Variants in FAT2 observed in about 807,000 individuals in gnomAD.
FAT2 encodes the protein FAT atypical cadherin 2.
A neutral mutation model predicts 295.3 loss-of-function variants in FAT2; 150 were observed. That is an observed-to-expected ratio of 0.51 (90% CI 0.44 to 0.58). The LOEUF (loss-of-function observed/expected upper bound fraction) is 0.58, where lower values mean the gene tolerates loss of function less well. FAT2 is among the 20% of genes least tolerant of loss of function. The pLI, the probability that FAT2 is intolerant of heterozygous loss-of-function variation, is 0.00. For missense variants in FAT2, 4,868 were observed against 5,442.7 expected (o/e 0.89, Z 3.32); for synonymous variants, 2,026 against 2,150.3 (o/e 0.94, Z 1.60).
At chr5:151,564,843 C>T (rs996612720) in intron 2 of FAT2, among the ~76,000 whole-genome samples, 7 of 151,936 alleles carry the variant, frequency 4.6e-5, no homozygotes, top group South Asian at 2.1e-4. Flanking sequence ...GAGGCCAAGA[C>T]GGGTGGATCA....
chr5:151,529,463 GC>G, intron 14 of FAT2, 71 bp from the exon 15 acceptor site: 1 of 1,366,150 alleles, frequency 7.3e-7, no homozygotes, highest in Non-Finnish European at 1.0e-6. Context: ...GAGGGTCTGA[GC>G]CCAGCCCTAG....
rs961981175 is a variant in FAT2, at chr5:151,544,143, T to C, written c.6984A>G (p.Thr2328=). ...GTTCTTGAACTGTGGACATCTCCCC[T>C]GTGCTCCCATTGATCTGGAAGAACT... ...VSKFFQINGS[T]GEMSTVQELD... is the part of the protein sequence containing the mutation. The change falls in exon 10 of 24, where the codon ACA becomes ACG. Residue 2328 remains threonine (T), a synonymous_variant. Coordinates refer to ENST00000261800, the MANE Select transcript of FAT2 (RefSeq NM_001447.3). 6.2e-7 allele frequency: 1 copy of C among 1,614,238 alleles called. No homozygotes were observed. Among genetic ancestry groups the C allele is most frequent in the Non-Finnish European group, 8.5e-7 (1 of 1,180,038 alleles).
intron 22 of FAT2, among the ~76,000 whole-genome samples, chr5:151,507,859 C>G (rs961664488): frequency 6.6e-5 from 10 of 152,166 alleles, no homozygotes; most frequent in African/African-American, 2.4e-4. Context: ...ATTTTTCCAG[C>G]AATGAGATCT....
At chr5:151,564,939 G>A (rs938924198) in intron 2 of FAT2, among the ~76,000 whole-genome samples, 12 of 152,128 alleles carry the variant, frequency 7.9e-5, no homozygotes, top group African/African-American at 2.7e-4. Context: ...CGGGCATGGT[G>A]GTGGGTGCCT....
chr5:151,587,432 T>C (rs1246358708), intron 1 of FAT2, among the ~76,000 whole-genome samples: 5 of 152,202 alleles, frequency 3.3e-5, no homozygotes, highest in Admixed American at 2.6e-4. Flanking sequence ...CCTGCACGCA[T>C]CTGCTGTTTT....
rs755722289 is a variant in FAT2 at position 151,565,813 on chromosome 5, T to C, written c.3119A>G (p.Gln1040Arg). The change falls in exon 2 of 24, where the codon CAG (glutamine) becomes CGG (arginine). Residue 1040 changes from glutamine to arginine, a missense_variant. By Grantham distance (43) the Gln-to-Arg change is conservative. Transcript: ENST00000261800. ...TCCCGAGGGGCTGTTCTCCTGCACC[T>C]GGCCCTGGTGCACGAAGGAGGCAAA... Reference protein sequence around the residue: ...PHFASFVHQGQVQENSPSGTQ... With the variant: ...PHFASFVHQGRVQENSPSGTQ... The C allele has an allele frequency of 3.7e-6, 6 of 1,614,070 alleles. No homozygotes were observed. In the Admixed American group the frequency reaches 5.0e-5, roughly 13 times the overall value.
chr5:151,541,796 C>T (rs75373294), intron 10 of FAT2, among the ~76,000 whole-genome samples: 2,226 of 152,308 alleles, frequency 0.015, 24 homozygotes, highest in African/African-American at 0.034. Flanking sequence ...TTTCCACATA[C>T]GTGAAATGAA....
Position 151,527,255 on chromosome 5 carries a change from G to T in FAT2, c.10287C>A (p.Leu3429=). 6.2e-7 allele frequency: 1 copy of T among 1,612,000 alleles called. No homozygotes were observed. Among genetic ancestry groups the T allele is most frequent in the African/African-American group, 1.3e-5 (1 of 74,942 alleles). ...TTACCTGGACAGTGGTGCTGTAGTT[G>T]AGCTGGAAGAATCTCGGTGGGTTAT... ...VNDNPPRFFQ[L]NYSTTVQENS... is the part of the protein sequence containing the mutation. Residue 3429 remains leucine, a synonymous_variant, in exon 17 of 24, where the codon CTC becomes CTA. Transcript: ENST00000261800.
rs2127644306 is a variant in FAT2, at chr5:151,565,667, C to CCAA, written c.3259+5_3259+6insTTG. On this transcript the variant is annotated splice_donor_region_variant and intron_variant, in intron 2 of 23. Transcript: ENST00000261800. The stretch of plus-strand genomic sequence containing the variant: ...CTGGCACCCCACCCTACCCCACCCC[C>CCAA]AGTACCTGTATCTTGGTTGATGCTG... 6.4e-7 allele frequency: 1 copy of CCAA among 1,570,484 alleles called. No homozygotes were observed. Among genetic ancestry groups the CCAA allele is most frequent in the African/African-American group, 1.3e-5 (1 of 74,234 alleles).
Position 151,549,431 on chromosome 5 carries a change from G to T in FAT2, c.4653C>A (p.His1551Gln). ...AATGGAGCTGAGTGAAGCGGGGTGG[G>T]TGGAGGTTTCCATCCTCCACATGAA... Reference protein sequence around the residue: ...VTIHVEDGNLHPPRFTQLHYE... With the variant: ...VTIHVEDGNLQPPRFTQLHYE... Residue 1551 changes from histidine (H) to glutamine (Q), a missense_variant, in exon 9 of 24, where the codon CAC becomes CAA. His to Gln is a conservative substitution (Grantham distance 24). Coordinates refer to ENST00000261800, the MANE Select transcript of FAT2 (RefSeq NM_001447.3). 1 of 1,614,170 alleles carries T rather than the reference G, an allele frequency of 6.2e-7. No individual in the cohort carries two copies. Among genetic ancestry groups the T allele is most frequent in the Non-Finnish European group, 8.5e-7 (1 of 1,180,026 alleles).
intron 10 of FAT2, 49 bp from the exon 11 acceptor site, chr5:151,540,812 T>C (rs1194085651): frequency 2.6e-6 from 4 of 1,532,280 alleles, no homozygotes; most frequent in Non-Finnish European, 2.7e-6. Context: ...AGGAATGAAC[T>C]AGGCTTTGTG....
intron 9 of FAT2, among the ~76,000 whole-genome samples, chr5:151,548,559 C>T (rs1043788848): frequency 1.3e-5 from 2 of 152,134 alleles, no homozygotes; most frequent in African/African-American, 4.8e-5. Flanking sequence ...CAGCTCACTG[C>T]AACCTCTGCC....
chr5:151,589,629 C>T (rs1297283818), intron 1 of FAT2, among the ~76,000 whole-genome samples: 1 of 152,090 alleles, frequency 6.6e-6, no homozygotes, highest in Non-Finnish European at 1.5e-5. Flanking sequence ...GGTGTGGTGG[C>T]TCATGCCTGT....
intron 18 of FAT2, among the ~76,000 whole-genome samples, chr5:151,524,332 T>G (rs1753780654): frequency 6.6e-6 from 1 of 152,224 alleles, no homozygotes; most frequent in Non-Finnish European, 1.5e-5. Context: ...TTGGACTCTA[T>G]GTTTGTGTCC....
Position 151,543,912 on chromosome 5 carries a change from G to T in FAT2, c.7215C>A (p.Asp2405Glu). Residue 2405 changes from aspartate to glutamate, a missense_variant, in exon 10 of 24, where the codon GAC (aspartate) becomes GAA (glutamate). This residue lies in a region of FAT2 where 3,297 missense variants were observed against 3,669.4 expected (regional missense o/e 0.90). Coordinates refer to ENST00000261800, the MANE Select transcript of FAT2 (RefSeq NM_001447.3). ...GGCGGGAGGTGTCTCTGCTGTCAGG[G>T]TCAATAGCCTGGACTTTAAGAACCA... ...GHLVLKVQAI[D>E]PDSRDTSRLE... is the part of the protein sequence containing the mutation. The T allele has an allele frequency of 1.2e-6, 2 of 1,614,144 alleles. No homozygotes were observed. The highest frequency in any genetic ancestry group is 1.7e-6 in the Non-Finnish European group (2 of 1,180,026).
intron 4 of FAT2, chr5:151,556,133 C>A: frequency 1.7e-6 from 1 of 582,834 alleles, no homozygotes; most frequent in Non-Finnish European, 3.1e-6. Context: ...TCAATGGTGC[C>A]TACCCAGCCT....
In FAT2 at chr5:151,563,335, G is replaced by A. The variant is rs776829188; in HGVS notation, c.3564C>T (p.His1188=). The A allele has an allele frequency of 3.7e-6, 6 of 1,614,000 alleles. No individual in the cohort carries two copies. The highest frequency in any genetic ancestry group is 5.1e-6 in the Non-Finnish European group (6 of 1,179,932). The part of the protein sequence containing the change: ...SGNYMGFFMI[H]PVTGLLSTAQ... ...TTTTTGGATCCTTACCTGTAACAGG[G>A]TGAATCATAAAGAATCCCATGTAGT... is the stretch of plus-strand genomic sequence containing the variant. The change falls in exon 3 of 24, where the codon CAC becomes CAT. Residue 1188 remains histidine, a synonymous_variant. Transcript: ENST00000261800.
intron 1 of FAT2, among the ~76,000 whole-genome samples, chr5:151,590,247 C>A (rs1759345449): frequency 6.6e-6 from 1 of 152,226 alleles, no homozygotes; most frequent in African/African-American, 2.4e-5. Flanking sequence ...TACTTCCCAG[C>A]CTGCTTCTTC....
rs2127630933 is a variant in FAT2, at chr5:151,554,512, C to T, written c.3795G>A (p.Arg1265=). Residue 1265 remains arginine (R), a synonymous_variant, in exon 5 of 24, where the codon AGG becomes AGA. Transcript: ENST00000261800. ...CCTCATCCAGGTCTGAAGCCACCAG[C>T]CTGTACACAGGCCCAGGGGACACAG... The part of the protein sequence containing the change: ...LSPVSPGPVY[R]LVASDLDEGL... The T allele has an allele frequency of 1.2e-6, 2 of 1,614,210 alleles. No homozygotes were observed. Among genetic ancestry groups the T allele is most frequent in the Non-Finnish European group, 1.7e-6 (2 of 1,180,038 alleles).
Sources: allele counts gnomAD v4.1 joint callset (sites outside exome capture counted in the v4.1 genomes callset), GRCh38; gene constraint gnomAD v4.1.1; regional missense constraint gnomAD v4.1.1; transcripts MANE v1.5; gene names NCBI Gene and HGNC (gene_info 2026-07-23, HGNC 2026-07-21).